The following FGF14 variants were observed in gnomAD, a reference collection of about 807,000 sequenced individuals.
FGF14 encodes the protein fibroblast growth factor 14.
FGF14 carries 5 observed loss-of-function variants against 25.5 expected under a neutral mutation model. The ratio of observed to expected loss-of-function variants is 0.20; its 90% CI spans 0.10 to 0.41. The LOEUF is 0.41. Among genes scored for constraint, FGF14 ranks in the 10% least tolerant of loss-of-function variants. FGF14 has a pLI of 1.00. For synonymous variants in FGF14, 138 were observed against 118.3 expected, an observed-to-expected ratio of 1.17 and a Z score of -1.08; for missense variants, 222 against 320.1, an observed-to-expected ratio of 0.69 and a Z score of 2.34.
At chr13:101,775,113 G>A (rs1368399112) in intron 3 of FGF14, among the ~76,000 whole-genome samples, 3 of 152,002 alleles carry the variant, frequency 2.0e-5, no homozygotes, top group Admixed American at 1.3e-4. Flanking sequence ...AAAATTCTAT[G>A]TAGGAAATAA....
At chr13:102,049,826 A>G (rs879490498) in intron 1 of FGF14, among the ~76,000 whole-genome samples, 2 of 152,162 alleles carry the variant, frequency 1.3e-5, no homozygotes, top group Non-Finnish European at 2.9e-5. Context: ...CCACAATCCA[A>G]GGAACAAAAG....
intron 3 of FGF14, among the ~76,000 whole-genome samples, chr13:101,786,283 T>A (rs1480850704): frequency 1.3e-5 from 2 of 152,222 alleles, no homozygotes; most frequent in Admixed American, 1.3e-4. Context: ...AACAGGAATT[T>A]TTACATAGGG....
intron 1 of FGF14, among the ~76,000 whole-genome samples, chr13:101,904,797 A>G (rs2032029334): frequency 6.6e-6 from 1 of 152,214 alleles, no homozygotes; most frequent in Non-Finnish European, 1.5e-5. Context: ...CACTAAGGGC[A>G]TTTCTAATGA....
At chr13:102,360,513 T>C (rs923176249) in intron 1 of FGF14, among the ~76,000 whole-genome samples, 1 of 152,124 alleles carries the variant, frequency 6.6e-6, no homozygotes, top group Non-Finnish European at 1.5e-5. Flanking sequence ...GAAATAATTA[T>C]GAGACAAATA....
At chr13:102,029,633 C>A (rs983950838) in intron 1 of FGF14, among the ~76,000 whole-genome samples, 1 of 152,066 alleles carries the variant, frequency 6.6e-6, no homozygotes, top group Non-Finnish European at 1.5e-5. Context: ...GCAGAAGCTA[C>A]AGAAAAATTT....
chr13:101,796,970 ACTATCTT>A (rs1256934019), intron 3 of FGF14, among the ~76,000 whole-genome samples: 1 of 152,004 alleles, frequency 6.6e-6, no homozygotes, highest in Non-Finnish European at 1.5e-5. Context: ...CCACGGGATA[ACTATCTT>A]CTCTGTGGTG....
chr13:101,990,931 A>G (rs1460054962), intron 1 of FGF14, among the ~76,000 whole-genome samples: 1 of 152,140 alleles, frequency 6.6e-6, no homozygotes, highest in Non-Finnish European at 1.5e-5. Flanking sequence ...TAAAATCGAC[A>G]GAACATCTAG....
chr13:102,299,494 T>C (rs1446736391), intron 1 of FGF14, among the ~76,000 whole-genome samples: 1 of 152,112 alleles, frequency 6.6e-6, no homozygotes, highest in Non-Finnish European at 1.5e-5. Context: ...GATCATACTA[T>C]TGTCAGAAAT....
intron 1 of FGF14, among the ~76,000 whole-genome samples, chr13:102,228,598 C>A (rs989357723): frequency 3.9e-5 from 6 of 152,126 alleles, no homozygotes; most frequent in African/African-American, 1.4e-4. Context: ...AGGCACCAAA[C>A]CCTTTGCTAA....
intron 1 of FGF14, among the ~76,000 whole-genome samples, chr13:102,352,450 TTACTCAAACACCAG>T (rs2057310891): frequency 6.6e-6 from 1 of 152,066 alleles, no homozygotes; most frequent in South Asian, 2.1e-4. Flanking sequence ...TTATTTACAT[TTACTCAAACACCAG>T]GACAAGTCCA....
At chr13:101,924,045 CT>C in intron 1 of FGF14, among the ~76,000 whole-genome samples, 1 of 152,022 alleles carries the variant, frequency 6.6e-6, no homozygotes, top group East Asian at 1.9e-4. Context: ...TCTTTTCCTA[CT>C]CTAAATCAGT....
chr13:101,727,906 T>C (rs1267030807), intron 3 of FGF14, among the ~76,000 whole-genome samples: 1 of 152,114 alleles, frequency 6.6e-6, no homozygotes, highest in Non-Finnish European at 1.5e-5. Flanking sequence ...GACTAAAAAA[T>C]ATACACAAAG....
intron 3 of FGF14, among the ~76,000 whole-genome samples, chr13:101,760,328 A>G (rs988945353): frequency 1.3e-5 from 2 of 152,154 alleles, no homozygotes; most frequent in Non-Finnish European, 2.9e-5. Flanking sequence ...CTCTATTAAA[A>G]AGGCTTTTGT....
chr13:102,094,634 C>T (rs1424412023), intron 1 of FGF14, among the ~76,000 whole-genome samples: 2 of 152,078 alleles, frequency 1.3e-5, no homozygotes, highest in South Asian at 2.1e-4. Context: ...TTAGGACTGC[C>T]CTTTTTATAC....
intron 3 of FGF14, among the ~76,000 whole-genome samples, chr13:101,797,883 A>G (rs1434492342): frequency 6.6e-6 from 1 of 151,966 alleles, no homozygotes; most frequent in Non-Finnish European, 1.5e-5. Flanking sequence ...TTCAATAATC[A>G]TTGTCTTGAA....
intron 1 of FGF14, among the ~76,000 whole-genome samples, chr13:101,939,600 T>C (rs554855193): frequency 6.6e-6 from 1 of 152,316 alleles, no homozygotes; most frequent in South Asian, 2.1e-4. Flanking sequence ...ACCATGGTTA[T>C]TAGATTTGCA....
chr13:102,392,800 T>G (rs1035571398), intron 1 of FGF14, among the ~76,000 whole-genome samples: 2 of 152,222 alleles, frequency 1.3e-5, no homozygotes, highest in Admixed American at 6.5e-5. Context: ...TGCCTTATTC[T>G]GGACCGCTCA....
At chr13:102,188,117 C>T (rs2048945878) in intron 1 of FGF14, among the ~76,000 whole-genome samples, 1 of 152,132 alleles carries the variant, frequency 6.6e-6, no homozygotes, top group Non-Finnish European at 1.5e-5. Flanking sequence ...GATACCTAGG[C>T]TCCAACTTAA....
At chr13:101,805,828 T>C (rs1432230577) in intron 3 of FGF14, among the ~76,000 whole-genome samples, 28 of 151,984 alleles carry the variant, frequency 1.8e-4, no homozygotes, top group Admixed American at 1.8e-3. Context: ...CAAAAAACAC[T>C]TCAATAAAAA....
Sources: allele counts gnomAD v4.1 joint callset (sites outside exome capture counted in the v4.1 genomes callset), GRCh38; gene constraint gnomAD v4.1.1; transcripts MANE v1.5; gene names NCBI Gene and HGNC (gene_info 2026-07-23, HGNC 2026-07-21).